Variants in TDRD3 observed in about 807,000 individuals in gnomAD.
The protein encoded by TDRD3 is tudor domain containing 3.
Under a neutral mutation model 86.7 loss-of-function variants are expected in TDRD3, and 45 were observed. That is an observed-to-expected ratio of 0.52 (90% confidence interval 0.41 to 0.67). The LOEUF (loss-of-function observed/expected upper bound fraction) is 0.67, where lower values mean the gene tolerates loss of function less well. Among genes scored for constraint, TDRD3 ranks in the 30% least tolerant of loss-of-function variants. The probability of loss-of-function intolerance (pLI) is 0.00; values close to 1 mark genes in which losing one functional copy is unlikely to be tolerated. For synonymous variants in TDRD3, 298 were observed against 301.7 expected, an observed-to-expected ratio of 0.99 and a Z score of 0.13; for missense variants, 814 against 889.0, an observed-to-expected ratio of 0.92 and a Z score of 1.07.
chr13:60,467,955 C>T (rs1248870323), intron 5 of TDRD3, among the ~76,000 whole-genome samples: 1 of 152,160 alleles, frequency 6.6e-6, no homozygotes, highest in East Asian at 1.9e-4. Flanking sequence ...CACTTCCTTG[C>T]TCTCCAGTTC....
At chr13:60,545,785 AAAAAGGAGACATATC>A (rs1236688215) in intron 12 of TDRD3, among the ~76,000 whole-genome samples, 1 of 152,090 alleles carries the variant, frequency 6.6e-6, no homozygotes, top group Non-Finnish European at 1.5e-5. Context: ...AAGCAAATGG[AAAAAGGAGACATATC>A]AAGGGGTTGA....
intron 5 of TDRD3, among the ~76,000 whole-genome samples, chr13:60,479,805 C>T (rs1956272379): frequency 6.6e-6 from 1 of 152,128 alleles, no homozygotes; most frequent in Admixed American, 6.6e-5. Flanking sequence ...TTTTAGTTGA[C>T]AGAAGAATAG....
In TDRD3 at chr13:60,468,782, A is replaced by G. The variant is rs112751499; in HGVS notation, c.495+1403A>G. On this transcript the variant is annotated intron_variant, in intron 5 of 13. Coordinates refer to ENST00000377881, the MANE Select transcript of TDRD3 (RefSeq NM_001146070.2). The stretch of plus-strand genomic sequence containing the variant: ...TAGCTCTGAACTTTACATGTAATAG[A>G]TGTTATAAAAAATACTTGTGGTATA... Among the ~76,000 whole-genome samples the G allele has an allele frequency of 3.2e-4, 48 of 152,320 alleles. 1 individual carries two copies. The highest frequency in any genetic ancestry group is 1.2e-3 in the African/African-American group (48 of 41,590).
chr13:60,480,168 G>A (rs1956279655), intron 5 of TDRD3, among the ~76,000 whole-genome samples: 2 of 152,184 alleles, frequency 1.3e-5, no homozygotes, highest in African/African-American at 2.4e-5. Context: ...CCCTTTAGGA[G>A]CTCTTGTAAG....
At chr13:60,406,947 T>A (rs1028063333) in intron 1 of TDRD3, among the ~76,000 whole-genome samples, 11 of 152,324 alleles carry the variant, frequency 7.2e-5, no homozygotes, top group Middle Eastern at 3.4e-3. Flanking sequence ...AACAAAATTT[T>A]ATTTTATTAA....
At chr13:60,514,565 G>C (rs1006112050) in intron 10 of TDRD3, among the ~76,000 whole-genome samples, 1 of 152,172 alleles carries the variant, frequency 6.6e-6, no homozygotes, top group African/African-American at 2.4e-5. Flanking sequence ...TAGGGGAGAT[G>C]ACATCTAGTT....
chr13:60,478,131 A>G (rs1956227700), intron 5 of TDRD3, among the ~76,000 whole-genome samples: 1 of 151,826 alleles, frequency 6.6e-6, no homozygotes, highest in African/African-American at 2.4e-5. Flanking sequence ...GAATGTATGC[A>G]TTTCCTCTAG....
At chr13:60,561,926 T>G (rs79845555) in intron 12 of TDRD3, among the ~76,000 whole-genome samples, 2 of 79,948 alleles carry the variant, frequency 2.5e-5, no homozygotes, top group Non-Finnish European at 5.9e-5. Flanking sequence ...TAAAGTGGAA[T>G]TTTTTTAAAC....
intron 13 of TDRD3, among the ~76,000 whole-genome samples, chr13:60,572,107 G>A (rs1958599478): frequency 6.6e-6 from 1 of 152,138 alleles, no homozygotes; most frequent in Non-Finnish European, 1.5e-5. Context: ...CTAGGAACTA[G>A]ATACTAATTA....
At chr13:60,537,510 G>A (rs1957724522) in intron 12 of TDRD3, 1 of 152,024 alleles carries the variant, frequency 6.6e-6, no homozygotes, top group Non-Finnish European at 1.5e-5. Context: ...AAGTGTTAAT[G>A]TTGGGGTCTT....
At chr13:60,534,562 AT>A (rs35819304) in intron 11 of TDRD3, among the ~76,000 whole-genome samples, 81 of 149,900 alleles carry the variant, frequency 5.4e-4, no homozygotes, top group Middle Eastern at 3.5e-3. Context: ...CTTTTTTGCA[AT>A]TTTTTTTTTA....
chr13:60,556,927 G>A (rs1174593474), intron 12 of TDRD3, among the ~76,000 whole-genome samples: 2 of 152,124 alleles, frequency 1.3e-5, no homozygotes, highest in Admixed American at 6.5e-5. Flanking sequence ...TCCAGAGGCC[G>A]GGTGCAGTGG....
chr13:60,507,306 G>A (rs183199806), intron 8 of TDRD3, among the ~76,000 whole-genome samples: 2 of 152,210 alleles, frequency 1.3e-5, no homozygotes, highest in African/African-American at 4.8e-5. Flanking sequence ...AAATTAACAA[G>A]GATATTCAGG....
chr13:60,471,702 C>G (rs1956079149), intron 5 of TDRD3, among the ~76,000 whole-genome samples: 2 of 152,070 alleles, frequency 1.3e-5, no homozygotes, highest in African/African-American at 4.8e-5. Flanking sequence ...ACTGATTTCT[C>G]TGTGTTGATT....
intron 7 of TDRD3, among the ~76,000 whole-genome samples, chr13:60,492,914 TTTC>T (rs1956620666): frequency 7.9e-6 from 1 of 126,062 alleles, no homozygotes; most frequent in Non-Finnish European, 1.7e-5. Flanking sequence ...TTTTCTTTCT[TTTC>T]TTTTTTTTTT....
At chr13:60,398,846 T>C (rs1402993650) in intron 1 of TDRD3, among the ~76,000 whole-genome samples, 3 of 151,248 alleles carry the variant, frequency 2.0e-5, no homozygotes, top group African/African-American at 4.9e-5. Flanking sequence ...TTCTGTTCAA[T>C]AGGAATCTCT....
At chr13:60,428,094 G>T (rs61970124) in intron 1 of TDRD3, among the ~76,000 whole-genome samples, 29,611 of 151,752 alleles carry the variant, frequency 0.2, 3,586 homozygotes, top group South Asian at 0.29. Context: ...GGCATCATCA[G>T]TCCAGTTTCT....
At position 60,439,780 on chromosome 13, in the gene TDRD3, A is replaced by G; in HGVS notation, c.126+8A>G. The G allele has an allele frequency of 6.7e-7, 1 of 1,497,162 alleles. No homozygotes were observed. Among genetic ancestry groups the G allele is most frequent in the Non-Finnish European group, 8.9e-7 (1 of 1,120,996 alleles). 92.7% of individuals were successfully genotyped at this position (1,497,162 alleles called of 1,614,324 possible). The stretch of plus-strand genomic sequence containing the variant: ...ATCCTGATTGCTCTCAATGTAGGTT[A>G]TATTTATTAACTTGTAAACATTTGA... On this transcript the variant is annotated splice_region_variant and intron_variant, in intron 2 of 13. Coordinates refer to ENST00000377881, the MANE Select transcript of TDRD3 (RefSeq NM_001146070.2).
intron 13 of TDRD3, among the ~76,000 whole-genome samples, chr13:60,568,019 G>A (rs1958505064): frequency 6.6e-6 from 1 of 152,006 alleles, no homozygotes; most frequent in African/African-American, 2.4e-5. Flanking sequence ...TTACAGGAGT[G>A]AGCCACCATG....
Sources: gnomAD v4.1 joint callset for allele counts (sites outside exome capture counted in the v4.1 genomes callset) on GRCh38, gnomAD v4.1.1 for gene constraint, MANE v1.5 for transcripts, NCBI Gene and HGNC (gene_info 2026-07-23, HGNC 2026-07-21) for gene names.